The following NCKAP1L variants were observed in gnomAD, a reference collection of about 807,000 sequenced individuals.
NCKAP1L encodes the protein NCK associated protein 1 like, also known as nck-associated protein 1-like.
Under a neutral mutation model 139.2 loss-of-function variants are expected in NCKAP1L, and 53 were observed. That is an observed-to-expected ratio of 0.38 (90% CI 0.31 to 0.48). The LOEUF (loss-of-function observed/expected upper bound fraction) is 0.48, where lower values mean the gene tolerates loss of function less well. NCKAP1L is among the 20% of genes least tolerant of loss of function. The probability of loss-of-function intolerance (pLI) is 0.98; values close to 1 mark genes in which losing one functional copy is unlikely to be tolerated. For missense variants in NCKAP1L, 1,151 were observed against 1,381.9 expected (o/e 0.83, Z 2.65); for synonymous variants, 468 against 499.7 (o/e 0.94, Z 0.85).
Position 54,509,917 on chromosome 12 carries a change from C to A in NCKAP1L, c.667C>A (p.Arg223Ser), listed in dbSNP as rs756906173. 19 of 1,614,052 alleles carry A rather than the reference C, an allele frequency of 1.2e-5. No homozygotes were observed. Among genetic ancestry groups the A allele is most frequent in the Non-Finnish European group, 1.4e-5 (17 of 1,180,032 alleles). ...VRRNQGAEQW[R>S]SAQLLSLISN... ...AAGAAACCAGGGGGCTGAGCAGTGG[C>A]GCAGTGCCCAACTTCTAAGCCTCAT... Residue 223 changes from arginine (R) to serine (S), a missense_variant, in exon 7 of 31, where the codon CGC (arginine) becomes AGC (serine). Physicochemically the swap from Arg to Ser is moderately radical, Grantham distance 110. Coordinates refer to ENST00000293373, the MANE Select transcript of NCKAP1L (RefSeq NM_005337.5).
At chr12:54,520,596 T>A in intron 16 of NCKAP1L, 98 bp from the exon 17 acceptor site, 1 of 1,230,922 alleles carries the variant, frequency 8.1e-7, no homozygotes, top group Non-Finnish European at 1.2e-6. Context: ...TCAAAGGGAC[T>A]AGCTCTTAAA....
chr12:54,504,470 C>T (rs1429726068), intron 3 of NCKAP1L, among the ~76,000 whole-genome samples: 30 of 152,098 alleles, frequency 2.0e-4, no homozygotes, highest in Admixed American at 2.0e-3. Context: ...GGGAAGAATG[C>T]TGGAAGCACA....
At chr12:54,511,699 C>A in intron 7 of NCKAP1L, 104 bp from the exon 8 acceptor site, 2 of 1,272,380 alleles carry the variant, frequency 1.6e-6, no homozygotes, top group Non-Finnish European at 1.1e-6. Flanking sequence ...TAGCCACCAC[C>A]CCTTGCCAAA....
intron 30 of NCKAP1L, among the ~76,000 whole-genome samples, chr12:54,539,421 G>C (rs1957140219): frequency 6.6e-6 from 1 of 152,222 alleles, no homozygotes; most frequent in Non-Finnish European, 1.5e-5. Flanking sequence ...TCAGAGGAGG[G>C]AAAGGATTTT....
chr12:54,536,857 T>G, intron 28 of NCKAP1L, 87 bp from the exon 29 acceptor site: 4 of 866,338 alleles, frequency 4.6e-6, no homozygotes, highest in South Asian at 1.5e-5. Context: ...CCTGAAAACA[T>G]GAGAAATTAC....
At chr12:54,500,126 CTTTTT>C (rs35014155) in intron 2 of NCKAP1L, among the ~76,000 whole-genome samples, 51 of 141,854 alleles carry the variant, frequency 3.6e-4, no homozygotes, top group Admixed American at 4.2e-4. Flanking sequence ...CTTTTCTTTT[CTTTTT>C]TTTTTTTTTT....
At position 54,507,610 on chromosome 12, in the gene NCKAP1L, G is replaced by C. The variant is rs147722694; in HGVS notation, c.307-243G>C. On this transcript the variant is annotated intron_variant, in intron 3 of 30. Transcript: ENST00000293373. ...CATAGGGATGATAAGCTCAGGAAAA[G>C]TGTGTGTAATGTAATAGAGACTTGT... Among the ~76,000 whole-genome samples, 710 of 152,302 alleles carry C rather than the reference G, an allele frequency of 4.7e-3. 16 individuals carry two copies. The highest frequency in any genetic ancestry group is 0.04 in the East Asian group (207 of 5,182).
intron 7 of NCKAP1L, 36 bp downstream of exon 7, chr12:54,510,021 C>T: frequency 6.2e-7 from 1 of 1,611,316 alleles, no homozygotes; most frequent in Non-Finnish European, 8.5e-7. Flanking sequence ...TGGAAGCATT[C>T]TCTTTGCCAA....
chr12:54,517,886 A>G lies in NCKAP1L; in HGVS notation c.1286A>G (p.His429Arg). Reference protein sequence around the residue: ...RRHIKVIQQYHLQYLARFDAL... With the variant: ...RRHIKVIQQYRLQYLARFDAL... The stretch of plus-strand genomic sequence containing the variant: ...CACATCAAAGTGATACAGCAATACC[A>G]CCTTCAGTACTTGGCAAGATTTGAT... Residue 429 changes from histidine to arginine, a missense_variant, in exon 13 of 31, where the codon CAC (histidine) becomes CGC (arginine). Coordinates refer to ENST00000293373, the MANE Select transcript of NCKAP1L (RefSeq NM_005337.5). 1.9e-6 allele frequency: 3 copies of G among 1,614,054 alleles called. No homozygotes were observed. Among genetic ancestry groups the G allele is most frequent in the Non-Finnish European group, 2.5e-6 (3 of 1,180,000 alleles).
At chr12:54,524,946 C>T (rs761427882) in intron 20 of NCKAP1L, among the ~76,000 whole-genome samples, 5 of 152,046 alleles carry the variant, frequency 3.3e-5, no homozygotes, top group Non-Finnish European at 7.4e-5. Context: ...GAGAAAGCCA[C>T]GCATGTAACT....
In NCKAP1L at chr12:54,520,709, C is replaced by A. The variant is rs770470490; in HGVS notation, c.1641C>A (p.Ile547=). Residue 547 remains isoleucine, a synonymous_variant, in exon 17 of 31, where the codon ATC becomes ATA. Transcript: ENST00000293373. ...DLSTFCFHLR[I]FEKMFAMTLE... ...TTCTCTGCAGCTTTCATCTTCGTAT[C>A]TTTGAGAAGATGTTTGCCATGACCT... The A allele has an allele frequency of 6.2e-6, 10 of 1,614,108 alleles. No homozygotes were observed. Among genetic ancestry groups the A allele is most frequent in the Non-Finnish European group, 8.5e-6 (10 of 1,179,988 alleles).
chr12:54,527,809 T>C (rs558514484), intron 21 of NCKAP1L, among the ~76,000 whole-genome samples: 15 of 152,308 alleles, frequency 9.8e-5, no homozygotes, highest in African/African-American at 3.6e-4. Context: ...GAGGAAATAT[T>C]TGGAGACTGA....
intron 30 of NCKAP1L, among the ~76,000 whole-genome samples, chr12:54,539,674 G>T (rs1005746723): frequency 6.6e-6 from 1 of 152,180 alleles, no homozygotes; most frequent in Non-Finnish European, 1.5e-5. Context: ...GACAGGAAGG[G>T]CTTTTGCCCT....
Position 54,507,899 on chromosome 12 carries a change from A to G in NCKAP1L, c.353A>G (p.His118Arg). Residue 118 changes from histidine (H) to arginine (R), a missense_variant, in exon 4 of 31, where the codon CAT becomes CGT. Transcript: ENST00000293373. ...AACACCATTGATGCCTGCCAGTGCC[A>G]TTTTGATATCGTAAGAACCTTTGCA... The part of the protein sequence containing the change: ...LLNTIDACQC[H>R]FDINLNFDFT... The G allele has an allele frequency of 6.2e-7, 1 of 1,613,982 alleles. No individual in the cohort carries two copies. Among genetic ancestry groups the G allele is most frequent in the Non-Finnish European group, 8.5e-7 (1 of 1,179,890 alleles).
At position 54,545,464 on chromosome 12, in the gene NCKAP1L, A is replaced by G. The variant is rs1184387596; in HGVS notation, c.*2779A>G. ...GGGTTTTAGAATCCAGAGACCTTAG[A>G]AGGAGCAAATTGGAGAAGGTGAGGA... On this transcript the variant is annotated 3_prime_UTR_variant, in exon 31 of 31. Coordinates refer to ENST00000293373, the MANE Select transcript of NCKAP1L (RefSeq NM_005337.5). The G allele has an allele frequency of 6.6e-6, 1 of 152,222 alleles. No homozygotes were observed. The highest frequency in any genetic ancestry group is 1.5e-5 in the Non-Finnish European group (1 of 68,036). 9.4% of individuals were successfully genotyped at this position (152,222 alleles called of 1,614,324 possible). A position where few individuals can be genotyped will look rare whatever the true frequency, so the allele number is the denominator to read the frequency against.
At chr12:54,532,316 A>G (rs1281053189) in intron 26 of NCKAP1L, 66 bp downstream of exon 26, 1 of 1,356,634 alleles carries the variant, frequency 7.4e-7, no homozygotes, top group East Asian at 2.3e-5. Flanking sequence ...GGTAGCTAGG[A>G]TCTTGTAAGG....
rs140152733 is a variant in NCKAP1L, at chr12:54,526,752, T to A, written c.2375+6T>A. On this transcript the variant is annotated splice_donor_region_variant and intron_variant, in intron 21 of 30. Coordinates refer to ENST00000293373, the MANE Select transcript of NCKAP1L (RefSeq NM_005337.5). Reference sequence around the variant, plus strand: ...ACCACACTCTACACAAACTGGTCAGTGTTGCTTAGGCTTTTCCACTGCCTT... The same window carrying A: ...ACCACACTCTACACAAACTGGTCAGAGTTGCTTAGGCTTTTCCACTGCCTT... 6.2e-7 allele frequency: 1 copy of A among 1,611,718 alleles called. No homozygotes were observed. Among genetic ancestry groups the A allele is most frequent in the Non-Finnish European group, 8.5e-7 (1 of 1,178,396 alleles).
At chr12:54,524,379 T>C (rs983107766) in intron 20 of NCKAP1L, among the ~76,000 whole-genome samples, 25 of 152,066 alleles carry the variant, frequency 1.6e-4, no homozygotes, top group African/African-American at 5.8e-4. Flanking sequence ...TAATTGAGAG[T>C]TGGTAGAGAA....
Position 54,519,279 on chromosome 12 carries a change from G to C in NCKAP1L, c.1572G>C (p.Met524Ile). 1 of 1,589,564 alleles carries C rather than the reference G, an allele frequency of 6.3e-7. No homozygotes were observed. The highest frequency in any genetic ancestry group is 8.5e-7 in the Non-Finnish European group (1 of 1,173,724). Reference sequence around the variant, plus strand: ...ACCTCATTGTCTTCCACTCCCGAATGCTGGACTCCGTAGAAAAATTGCTGG... The same window carrying C: ...ACCTCATTGTCTTCCACTCCCGAATCCTGGACTCCGTAGAAAAATTGCTGG... ...VMNLIVFHSR[M>I]LDSVEKLLVE... is the part of the protein sequence containing the mutation. The change falls in exon 16 of 31, where the codon ATG becomes ATC. Residue 524 changes from methionine to isoleucine, a missense_variant. By Grantham distance (10) the Met-to-Ile change is conservative. Coordinates refer to ENST00000293373, the MANE Select transcript of NCKAP1L (RefSeq NM_005337.5).
Sources: gnomAD v4.1 joint callset for allele counts (sites outside exome capture counted in the v4.1 genomes callset) on GRCh38, gnomAD v4.1.1 for gene constraint, MANE v1.5 for transcripts, NCBI Gene and HGNC (gene_info 2026-07-23, HGNC 2026-07-21) for gene names.